PPFIA3: variants seen among roughly 807,000 people sequenced by gnomAD.
The protein encoded by PPFIA3 is liprin-alpha-3.
In PPFIA3, 26 loss-of-function variants were observed where a neutral mutation model predicts 145.8. That is an observed-to-expected ratio of 0.18 (90% CI 0.13 to 0.25). PPFIA3 has a LOEUF of 0.25. PPFIA3 is among the 10% of genes least tolerant of loss of function. The probability of loss-of-function intolerance (pLI) is 1.00; values close to 1 mark genes in which losing one functional copy is unlikely to be tolerated. For missense variants in PPFIA3, 1,008 were observed against 1,587.8 expected (o/e 0.63, Z 6.21); for synonymous variants, 645 against 661.4 (o/e 0.98, Z 0.38).
In PPFIA3 at chr19:49,135,917, C is replaced by G; in HGVS notation, c.1659C>G (p.Pro553=). ...GCTGGTCAGGGGTCAAGGAGGAGCCCTCCAAGGTCAGCAGCTGCCTCTGGG... is the reference window on the plus strand; with the variant it reads ...GCTGGTCAGGGGTCAAGGAGGAGCCGTCCAAGGTCAGCAGCTGCCTCTGGG... ...RGRWSGVKEE[P]SKDWERSAPA... Residue 553 remains proline (P), a synonymous_variant, in exon 14 of 30, where the codon CCC becomes CCG. Coordinates refer to ENST00000334186, the MANE Select transcript of PPFIA3 (RefSeq NM_003660.4). 2 of 1,610,298 alleles carry G rather than the reference C, an allele frequency of 1.2e-6. No homozygotes were observed. Among genetic ancestry groups the G allele is most frequent in the Non-Finnish European group, 1.7e-6 (2 of 1,178,326 alleles).
chr19:49,149,510 A>T lies in PPFIA3; in HGVS notation c.3355-37A>T. ...AGGAAGGGGCGGAGTCAGACAAGGC[A>T]GGAGTCCCTCACCGGCTGTCCGGCT... is the stretch of plus-strand genomic sequence containing the variant. On this transcript the variant is annotated intron_variant, in intron 27 of 29. Coordinates refer to ENST00000334186, the MANE Select transcript of PPFIA3 (RefSeq NM_003660.4). The surrounding 1 kb of genome is among the most constrained non-coding windows in gnomAD (Gnocchi z 5.7). The T allele has an allele frequency of 6.2e-7, 1 of 1,613,050 alleles. No individual in the cohort carries two copies.
At chr19:49,131,572 T>C (rs1479463523) in intron 7 of PPFIA3, among the ~76,000 whole-genome samples, 1 of 151,780 alleles carries the variant, frequency 6.6e-6, no homozygotes, top group Non-Finnish European at 1.5e-5. Flanking sequence ...TGCTGGGAAA[T>C]GTGGACCTGG....
chr19:49,147,649 G>A (rs1360269352), intron 23 of PPFIA3, among the ~76,000 whole-genome samples: 9 of 151,878 alleles, frequency 5.9e-5, no homozygotes, highest in Admixed American at 2.0e-4. Flanking sequence ...TCGTGCCACC[G>A]CGCTCCAGCC....
At chr19:49,146,635 A>G (rs2041284286) in intron 23 of PPFIA3, among the ~76,000 whole-genome samples, 2 of 152,142 alleles carry the variant, frequency 1.3e-5, no homozygotes, top group African/African-American at 4.8e-5. Flanking sequence ...TTTGTTCTCA[A>G]GAAACAAGAG....
chr19:49,140,077 G>A lies in PPFIA3; in HGVS notation c.2357G>A (p.Ser786Asn), dbSNP rs750203893. The A allele has an allele frequency of 6.2e-7, 1 of 1,614,026 alleles. No homozygotes were observed. Among genetic ancestry groups the A allele is most frequent in the Admixed American group, 1.7e-5 (1 of 60,028 alleles). ...CGAATGGGACCCCCAGGCCGGGACA[G>A]CTCTTCTCTGGGTGAGTACCTCACT... is the stretch of plus-strand genomic sequence containing the variant. ...KGRMGPPGRDSSSLAGTPSDE... is the reference protein window; with the variant it reads ...KGRMGPPGRDNSSLAGTPSDE... Residue 786 changes from serine (S) to asparagine (N), a missense_variant, in exon 18 of 30, where the codon AGC becomes AAC. Physicochemically the swap from Ser to Asn is conservative, Grantham distance 46 (BLOSUM62 1). Around this residue, in one of 11 missense-constraint regions of PPFIA3, gnomAD observed 202 missense variants for 241.8 expected, o/e 0.84. Coordinates refer to ENST00000334186, the MANE Select transcript of PPFIA3 (RefSeq NM_003660.4).
chr19:49,133,079 A>T lies in PPFIA3; in HGVS notation c.958A>T (p.Thr320Ser). 6.2e-7 allele frequency: 1 copy of T among 1,613,144 alleles called. No homozygotes were observed. The highest frequency in any genetic ancestry group is 1.9e-4 in the Middle Eastern group (1 of 5,388). Residue 320 changes from threonine (T) to serine (S), a missense_variant, in exon 8 of 30, where the codon ACG becomes TCG. By Grantham distance (58) the Thr-to-Ser change is moderately conservative. Around this residue, in one of 11 missense-constraint regions of PPFIA3, gnomAD observed 109 missense variants for 198.1 expected, o/e 0.55. Transcript: ENST00000334186. The surrounding 1 kb of genome is among the most constrained non-coding windows in gnomAD (Gnocchi z 7.2). Reference protein sequence around the residue: ...KRYLSAQREATSLHDANDKLE... With the variant: ...KRYLSAQREASSLHDANDKLE... ...CTACCTGAGCGCCCAGCGGGAGGCC[A>T]CGTCTCTGCACGACGCCAACGACAA...
intron 18 of PPFIA3, 101 bp from the exon 19 acceptor site, chr19:49,141,319 C>T: frequency 2.4e-6 from 2 of 841,800 alleles, no homozygotes; most frequent in Non-Finnish European, 3.9e-6. Context: ...ACTACTCCCT[C>T]AGGGCCTCTG....
chr19:49,142,216 C>G, intron 20 of PPFIA3, 101 bp downstream of exon 20: 1 of 1,162,016 alleles, frequency 8.6e-7, no homozygotes, highest in Admixed American at 2.3e-5. Flanking sequence ...TGCTTCTAGC[C>G]CAGAGGTGGG....
chr19:49,150,048 C>T (rs764400958), intron 28 of PPFIA3, 32 bp from the exon 29 acceptor site: 1 of 1,593,982 alleles, frequency 6.3e-7, no homozygotes, highest in Non-Finnish European at 8.5e-7. Flanking sequence ...GGAGGGTGCT[C>T]CAGGCTGAAC....
In PPFIA3 at chr19:49,139,749, C is replaced by G; in HGVS notation, c.2158C>G (p.Arg720Gly). The G allele has an allele frequency of 1.2e-6, 2 of 1,614,014 alleles. No homozygotes were observed. The highest frequency in any genetic ancestry group is 1.7e-6 in the Non-Finnish European group (2 of 1,179,918). ...IPGDTPPPTP[R>G]SARLERMTQA... The stretch of plus-strand genomic sequence containing the variant: ...AGGAGACACCCCACCACCCACTCCC[C>G]GCTCTGCCCGTCTTGAGAGAATGAC... The change falls in exon 17 of 30, where the codon CGC becomes GGC. Residue 720 changes from arginine (R) to glycine (G), a missense_variant. Physicochemically the swap from Arg to Gly is moderately radical, Grantham distance 125. Coordinates refer to ENST00000334186, the MANE Select transcript of PPFIA3 (RefSeq NM_003660.4).
rs1001499341 is a variant in PPFIA3, at chr19:49,128,549, C to T, written c.342+81C>T. ...TGGGGGGCGGGGCCTCTCAGTGTTG[C>T]AGCGTGACCTATTTTTTTCCCCCAT... On this transcript the variant is annotated intron_variant, in intron 3 of 29. Coordinates refer to ENST00000334186, the MANE Select transcript of PPFIA3 (RefSeq NM_003660.4). This position sits in a 1 kb window ranked among gnomAD's most constrained non-coding sequence, Gnocchi z 4.1. 3.8e-6 allele frequency: 5 copies of T among 1,306,112 alleles called. No homozygotes were observed. In the African/African-American group the frequency reaches 7.3e-5, roughly 19 times the overall value. The allele number at this position is 1,306,112 out of a possible 1,614,324, so 80.9% of individuals were successfully genotyped here. A position where few individuals can be genotyped will look rare whatever the true frequency, so the allele number is the denominator to read the frequency against.
rs894542984 is a variant in PPFIA3, at chr19:49,148,909, G to T, written c.3110-84G>T. ...CAGCGTGGGGGGCGTGGCCCGAAGA[G>T]ACCAAATGGAGGTGGAGGTATGGGC... On this transcript the variant is annotated intron_variant, in intron 25 of 29. Transcript: ENST00000334186. 47 of 1,586,296 alleles carry T rather than the reference G, an allele frequency of 3.0e-5. No individual in the cohort carries two copies. In the African/African-American group the frequency reaches 6.2e-4, roughly 21 times the overall value.
At chr19:49,129,586 G>T in intron 5 of PPFIA3, 132 bp downstream of exon 5, 1 of 973,064 alleles carries the variant, frequency 1.0e-6, no homozygotes, top group East Asian at 2.6e-5. Flanking sequence ...AAGCTATGGG[G>T]TTGGACTATG....
At position 49,130,114 on chromosome 19, in the gene PPFIA3, A is replaced by G. The variant is rs1369238990; in HGVS notation, c.657+47A>G. 1 of 1,561,552 alleles carries G rather than the reference A, an allele frequency of 6.4e-7. No individual in the cohort carries two copies. Among genetic ancestry groups the G allele is most frequent in the South Asian group, 1.1e-5 (1 of 88,704 alleles). On this transcript the variant is annotated intron_variant, in intron 6 of 29. Coordinates refer to ENST00000334186, the MANE Select transcript of PPFIA3 (RefSeq NM_003660.4). The surrounding 1 kb of genome is among the most constrained non-coding windows in gnomAD (Gnocchi z 4.5). ...TCCGTGAGCTCCATTCAACTCCCTG[A>G]CTTTGTGATAGTGTTTGTAACGTTT...
chr19:49,136,504 G>A (rs1048040255), intron 14 of PPFIA3, among the ~76,000 whole-genome samples: 4 of 152,136 alleles, frequency 2.6e-5, no homozygotes, highest in Non-Finnish European at 4.4e-5. Context: ...CAGAAGAATC[G>A]TTCGAACCTG....
In PPFIA3 at chr19:49,133,672, AG is replaced by A; in HGVS notation, c.1162-122del. The A allele has an allele frequency of 1.9e-6, 2 of 1,074,498 alleles. No individual in the cohort carries two copies. The highest frequency in any genetic ancestry group is 2.7e-5 in the South Asian group (2 of 74,506). 66.6% of individuals were successfully genotyped at this position (1,074,498 alleles called of 1,614,324 possible). A position where few individuals can be genotyped will look rare whatever the true frequency, so the allele number is the denominator to read the frequency against. Reference sequence around the variant, plus strand: ...GGCGCAGGGGCGGGGCCTGACTCAAAGGTGCAGGGGAGGAGCCTGGCGCTGT... The same window carrying A: ...GGCGCAGGGGCGGGGCCTGACTCAAAGTGCAGGGGAGGAGCCTGGCGCTGT... On this transcript the variant is annotated intron_variant, in intron 9 of 29. Transcript: ENST00000334186. This position sits in a 1 kb window ranked among gnomAD's most constrained non-coding sequence, Gnocchi z 7.2.
chr19:49,135,819 G>A lies in PPFIA3; in HGVS notation c.1561G>A (p.Ala521Thr), dbSNP rs763042971. 1.1e-5 allele frequency: 18 copies of A among 1,613,596 alleles called. No homozygotes were observed. In the Admixed American group the frequency reaches 3.0e-4, roughly 27 times the overall value. ...TGCCCTGGAGCTCCGTTACTCTCAG[G>A]CACCCACTTTACCTTCTGGTGCCCA... ...GSALELRYSQ[A>T]PTLPSGAHLD... Residue 521 changes from alanine (A) to threonine (T), a missense_variant, in exon 14 of 30, where the codon GCA becomes ACA. Physicochemically the swap from Ala to Thr is moderately conservative, Grantham distance 58 (BLOSUM62 0). Around this residue, in one of 11 missense-constraint regions of PPFIA3, gnomAD observed 121 missense variants for 138.2 expected, o/e 0.88. Transcript: ENST00000334186.
intron 20 of PPFIA3, among the ~76,000 whole-genome samples, chr19:49,142,394 A>C (rs890922653): frequency 4.7e-5 from 7 of 150,330 alleles, no homozygotes; most frequent in African/African-American, 1.7e-4. Flanking sequence ...CTCTGTCTCT[A>C]TTTTTCGGCA....
At position 49,133,483 on chromosome 19, in the gene PPFIA3, G is replaced by A. The variant is rs568210905; in HGVS notation, c.1161+112G>A. 4 of 1,263,706 alleles carry A rather than the reference G, an allele frequency of 3.2e-6. No individual in the cohort carries two copies. Among genetic ancestry groups the A allele is most frequent in the African/African-American group, 3.0e-5 (2 of 66,116 alleles). 78.3% of individuals were successfully genotyped at this position (1,263,706 alleles called of 1,614,324 possible). A position where few individuals can be genotyped will look rare whatever the true frequency, so the allele number is the denominator to read the frequency against. On this transcript the variant is annotated intron_variant, in intron 9 of 29. Transcript: ENST00000334186. The surrounding 1 kb of genome is among the most constrained non-coding windows in gnomAD (Gnocchi z 7.2). Reference sequence around the variant, plus strand: ...CGAGGTCAGAACCCCGGATTTGGGGGAAAGGGTGGGGCCTAGGGGCTGGGA... The same window carrying A: ...CGAGGTCAGAACCCCGGATTTGGGGAAAAGGGTGGGGCCTAGGGGCTGGGA...
Sources: allele counts gnomAD v4.1 joint callset (sites outside exome capture counted in the v4.1 genomes callset), GRCh38; gene constraint gnomAD v4.1.1; regional missense constraint gnomAD v4.1.1; non-coding constraint Gnocchi (gnomAD v3.1); transcripts MANE v1.5; gene names NCBI Gene and HGNC (gene_info 2026-07-23, HGNC 2026-07-21).